Variants in TIAM1 observed in about 807,000 individuals in gnomAD.
TIAM1 encodes the protein rho guanine nucleotide exchange factor TIAM1.
In TIAM1, 65 loss-of-function variants were observed where a neutral mutation model predicts 163.5. That is an observed-to-expected ratio of 0.40 (90% CI 0.33 to 0.49). TIAM1 has a LOEUF of 0.49. Among genes scored for constraint, TIAM1 ranks in the 20% least tolerant of loss-of-function variants. The probability of loss-of-function intolerance (pLI) is 0.77; values close to 1 mark genes in which losing one functional copy is unlikely to be tolerated. For synonymous variants in TIAM1, 833 were observed against 810.1 expected, an observed-to-expected ratio of 1.03 and a Z score of -0.48; for missense variants, 1,789 against 2,044.7, an observed-to-expected ratio of 0.87 and a Z score of 2.41.
chr21:31,498,617 G>A (rs970789835), intron 1 of TIAM1, among the ~76,000 whole-genome samples: 4 of 152,192 alleles, frequency 2.6e-5, no homozygotes, highest in African/African-American at 9.6e-5. Context: ...GAAAAAGGGT[G>A]TGGGACTAGT....
intron 2 of TIAM1, among the ~76,000 whole-genome samples, chr21:31,334,415 T>C (rs1241458186): frequency 1.3e-5 from 2 of 152,012 alleles, no homozygotes; most frequent in Admixed American, 1.3e-4. Flanking sequence ...GCCTCCGGAA[T>C]CGATGGGATT....
Position 31,165,049 on chromosome 21 carries a change from G to T in TIAM1, c.2904C>A (p.Ser968Arg), listed in dbSNP as rs146229915. 1 of 1,613,784 alleles carries T rather than the reference G, an allele frequency of 6.2e-7. No homozygotes were observed. Among genetic ancestry groups the T allele is most frequent in the Admixed American group, 1.7e-5 (1 of 60,012 alleles). ...LTSNPGHSLC[S>R]EQGSSAETAP... ...CGGTCTCAGCACTGCTGCCCTGCTC[G>T]CTGCAAAGGCTGTGCCCTGTCAGAT... is the stretch of plus-strand genomic sequence containing the variant. Residue 968 changes from serine to arginine, a missense_variant, in exon 16 of 28, where the codon AGC becomes AGA. Physicochemically the swap from Ser to Arg is moderately radical, Grantham distance 110. Transcript: ENST00000541036.
chr21:31,337,518 G>GTTTTATTA (rs139117633), intron 2 of TIAM1, among the ~76,000 whole-genome samples: 20 of 147,272 alleles, frequency 1.4e-4, no homozygotes, highest in African/African-American at 5.1e-4. Flanking sequence ...TATTATTGTT[G>GTTTTATTA]TTATTATTAT....
intron 16 of TIAM1, among the ~76,000 whole-genome samples, chr21:31,163,232 TCTTATAATACTGTAA>T (rs2084017389): frequency 6.6e-6 from 1 of 152,214 alleles, no homozygotes; most frequent in Non-Finnish European, 1.5e-5. Flanking sequence ...TATTTTTAGT[TCTTATAATACTGTAA>T]CTTAATAGAT....
At chr21:31,486,879 T>C (rs1286440058) in intron 1 of TIAM1, among the ~76,000 whole-genome samples, 1 of 152,230 alleles carries the variant, frequency 6.6e-6, no homozygotes, top group Non-Finnish European at 1.5e-5. Flanking sequence ...TTCTGCTGTG[T>C]GGCCGCTTTG....
chr21:31,386,604 G>C (rs1348408965), intron 2 of TIAM1, among the ~76,000 whole-genome samples: 1 of 152,102 alleles, frequency 6.6e-6, no homozygotes, highest in Non-Finnish European at 1.5e-5. Flanking sequence ...GACTACTTGG[G>C]AACTCGGAGC....
intron 2 of TIAM1, among the ~76,000 whole-genome samples, chr21:31,277,186 CTT>C (rs371948464): frequency 2.7e-4 from 41 of 152,302 alleles, no homozygotes; most frequent in African/African-American, 9.6e-4. Context: ...GTCATAAAGA[CTT>C]TGCTGATAAA....
At chr21:31,382,009 T>C (rs1348645406) in intron 2 of TIAM1, among the ~76,000 whole-genome samples, 1 of 152,188 alleles carries the variant, frequency 6.6e-6, no homozygotes, top group Non-Finnish European at 1.5e-5. Flanking sequence ...GCTGCCCAGT[T>C]TGTGGTATTT....
intron 16 of TIAM1, among the ~76,000 whole-genome samples, chr21:31,164,217 T>A (rs940797931): frequency 6.6e-6 from 1 of 151,990 alleles, no homozygotes; most frequent in Admixed American, 6.6e-5. Flanking sequence ...GGTGAAACCC[T>A]GTCTCTACTA....
intron 15 of TIAM1, among the ~76,000 whole-genome samples, chr21:31,179,958 T>G (rs1458482620): frequency 6.7e-6 from 1 of 148,996 alleles, no homozygotes; most frequent in Non-Finnish European, 1.5e-5. Flanking sequence ...CAGGCTGAAG[T>G]GCAGTGGTGC....
intron 2 of TIAM1, among the ~76,000 whole-genome samples, chr21:31,329,510 G>A (rs1057227083): frequency 6.6e-6 from 1 of 151,994 alleles, no homozygotes; most frequent in Non-Finnish European, 1.5e-5. Context: ...CCAAATCCCT[G>A]CTGTCCGTAA....
At chr21:31,448,016 C>A (rs557906) in intron 2 of TIAM1, among the ~76,000 whole-genome samples, 128,097 of 152,078 alleles carry the variant, frequency 0.84, 54,538 homozygotes, top group African/African-American at 0.95. Flanking sequence ...GGGTAGGGCC[C>A]GAGTTTTGTT....
intron 2 of TIAM1, among the ~76,000 whole-genome samples, chr21:31,398,303 T>C (rs968752431): frequency 1.3e-5 from 2 of 152,144 alleles, no homozygotes; most frequent in African/African-American, 4.8e-5. Context: ...ACAATCTTAC[T>C]TTTTATGCCA....
intron 1 of TIAM1, among the ~76,000 whole-genome samples, chr21:31,484,643 C>T (rs9983570): frequency 0.34 from 52,054 of 152,038 alleles, 9,197 homozygotes; most frequent in Non-Finnish European, 0.37. Context: ...GTCCACAGCA[C>T]TGTGCATCCT....
intron 2 of TIAM1, among the ~76,000 whole-genome samples, chr21:31,380,214 C>A (rs533581948): frequency 6.6e-6 from 1 of 151,994 alleles, no homozygotes; most frequent in Non-Finnish European, 1.5e-5. Context: ...AGTTGGAGCA[C>A]GCCACCGCAC....
intron 24 of TIAM1, 67 bp downstream of exon 24, chr21:31,130,823 T>C: frequency 1.4e-6 from 2 of 1,451,252 alleles, no homozygotes; most frequent in South Asian, 1.1e-5. Context: ...GGTAGAATTA[T>C]GCAGGCATAA....
intron 2 of TIAM1, among the ~76,000 whole-genome samples, chr21:31,285,690 G>T (rs1291837192): frequency 1.3e-5 from 2 of 152,090 alleles, no homozygotes; most frequent in Admixed American, 1.3e-4. Flanking sequence ...GTGAAACCCT[G>T]TCTCTACTAA....
At chr21:31,429,573 T>A (rs2043922813) in intron 2 of TIAM1, among the ~76,000 whole-genome samples, 2 of 152,150 alleles carry the variant, frequency 1.3e-5, no homozygotes, top group Admixed American at 1.3e-4. Flanking sequence ...TTCCCTCTCC[T>A]GGACGGCAGG....
At chr21:31,193,816 A>G (rs1030979139) in intron 13 of TIAM1, among the ~76,000 whole-genome samples, 7 of 152,220 alleles carry the variant, frequency 4.6e-5, no homozygotes, top group Admixed American at 4.6e-4. Flanking sequence ...GGGAAAAGCT[A>G]GCTGGGACTA....
Sources: gnomAD v4.1 joint callset for allele counts (sites outside exome capture counted in the v4.1 genomes callset) on GRCh38, gnomAD v4.1.1 for gene constraint, MANE v1.5 for transcripts, NCBI Gene and HGNC (gene_info 2026-07-23, HGNC 2026-07-21) for gene names.